The following GAB4 variants were observed in gnomAD, a reference collection of about 807,000 sequenced individuals.
GAB4 encodes GRB2-associated-binding protein 4.
In GAB4, 26 loss-of-function variants were observed where a neutral mutation model predicts 51.3. The ratio of observed to expected loss-of-function variants is 0.51; its 90% confidence interval spans 0.37 to 0.70. The LOEUF (loss-of-function observed/expected upper bound fraction) is 0.70. Among genes scored for constraint, GAB4 ranks in the 30% least tolerant of loss-of-function variants. The probability of loss-of-function intolerance (pLI) is 0.00; values close to 1 mark genes in which losing one functional copy is unlikely to be tolerated. For synonymous variants in GAB4, 329 were observed against 291.2 expected (o/e 1.13, Z -1.32); for missense variants, 759 against 734.6 (o/e 1.03, Z -0.38).
intron 5 of GAB4, 33 bp downstream of exon 5, chr22:16,968,265 C>T (rs774375191): frequency 6.0e-6 from 9 of 1,490,304 alleles, no homozygotes. Flanking sequence ...CTCCCTGAGC[C>T]AGTCTGGGGA....
At position 16,963,832 on chromosome 22, in the gene GAB4, G is replaced by A; in HGVS notation, c.1477-3C>T. 2.5e-6 allele frequency: 4 copies of A among 1,612,352 alleles called. No individual in the cohort carries two copies. The highest frequency in any genetic ancestry group is 3.4e-6 in the Non-Finnish European group (4 of 1,178,734). ...ACAGGAAATGCAGATGCCGGGTTCT[G>A]CTGTCACAAGGAGGAAAATCCTGCA... On this transcript the variant is annotated splice_polypyrimidine_tract_variant and splice_region_variant and intron_variant, in intron 8 of 9. Coordinates refer to ENST00000400588, the MANE Select transcript of GAB4 (RefSeq NM_001037814.1).
intron 3 of GAB4, among the ~76,000 whole-genome samples, chr22:16,981,381 C>T (rs1330553118): frequency 1.3e-5 from 2 of 151,810 alleles, no homozygotes; most frequent in African/African-American, 2.4e-5. Flanking sequence ...AATTGATAAT[C>T]CTTTAGCTAG....
intron 3 of GAB4, among the ~76,000 whole-genome samples, chr22:16,974,706 T>C (rs1404325564): frequency 6.6e-6 from 1 of 152,216 alleles, no homozygotes; most frequent in Non-Finnish European, 1.5e-5. Context: ...AAAACCTAAA[T>C]GATGGGTGGC....
chr22:16,976,581 T>C (rs558751042), intron 3 of GAB4, among the ~76,000 whole-genome samples: 17 of 152,104 alleles, frequency 1.1e-4, no homozygotes, highest in Non-Finnish European at 2.1e-4. Flanking sequence ...TGGAACCAAG[T>C]TGGAAAACAC....
At chr22:16,989,259 G>A (rs1228969095) in intron 2 of GAB4, among the ~76,000 whole-genome samples, 1 of 152,206 alleles carries the variant, frequency 6.6e-6, no homozygotes, top group Non-Finnish European at 1.5e-5. Context: ...TGATGTGATC[G>A]CTAAGTGGGG....
intron 6 of GAB4, 116 bp from the exon 7 acceptor site, chr22:16,965,384 G>T (rs1416461803): frequency 1.3e-5 from 10 of 756,032 alleles, no homozygotes; most frequent in Admixed American, 2.3e-5. Context: ...AGTCCACCCA[G>T]CTGTGTGCGG....
chr22:16,982,807 A>G (rs1275484514), intron 3 of GAB4, among the ~76,000 whole-genome samples: 1 of 152,212 alleles, frequency 6.6e-6, no homozygotes, highest in African/African-American at 2.4e-5. Flanking sequence ...TGTCTGACAT[A>G]ATGTAAAAGA....
intron 3 of GAB4, among the ~76,000 whole-genome samples, chr22:16,977,405 C>T (rs1339788398): frequency 6.7e-6 from 1 of 149,980 alleles, no homozygotes; most frequent in Non-Finnish European, 1.5e-5. Flanking sequence ...CACTTTAAAC[C>T]AAGAAAGATC....
Position 16,988,148 on chromosome 22 carries a change from G to A in GAB4, c.498C>T (p.Ser166=). The A allele has an allele frequency of 1.2e-6, 2 of 1,613,334 alleles. No individual in the cohort carries two copies. The highest frequency in any genetic ancestry group is 1.7e-6 in the Non-Finnish European group (2 of 1,179,548). Residue 166 remains serine, a synonymous_variant, in exon 3 of 10, where the codon TCC becomes TCT. Coordinates refer to ENST00000400588, the MANE Select transcript of GAB4 (RefSeq NM_001037814.1). ...AAGAGCAGAGGCCGTGACTGGCTGA[G>A]GAAATGTTTCCCAGGAAGCCTGTGA... ...EESTGFLGNI[S]SASHGLCSSP... is the part of the protein sequence containing the mutation.
chr22:16,969,919 T>C (rs1211757769), intron 4 of GAB4, 24 bp downstream of exon 4: 2 of 1,613,720 alleles, frequency 1.2e-6, no homozygotes, highest in Non-Finnish European at 1.7e-6. Context: ...AGGGTGCTTC[T>C]GGGTGCCTTG....
chr22:16,983,466 T>C (rs1031395912), intron 3 of GAB4, among the ~76,000 whole-genome samples: 2 of 152,122 alleles, frequency 1.3e-5, no homozygotes, highest in Admixed American at 1.3e-4. Flanking sequence ...AAAATTTATA[T>C]GAAACCACAC....
At chr22:16,974,927 T>C (rs2060764502) in intron 3 of GAB4, among the ~76,000 whole-genome samples, 1 of 152,160 alleles carries the variant, frequency 6.6e-6, no homozygotes, top group South Asian at 2.1e-4. Context: ...ACTCCCTCCC[T>C]TAGCCAAGGG....
chr22:17,004,754 CAT>C (rs1392062447), intron 1 of GAB4, among the ~76,000 whole-genome samples: 2 of 152,104 alleles, frequency 1.3e-5, no homozygotes, highest in Admixed American at 6.5e-5. Flanking sequence ...ACAAAAACCA[CAT>C]GATTATCTCA....
intron 3 of GAB4, among the ~76,000 whole-genome samples, chr22:16,981,601 C>A (rs2060828067): frequency 6.6e-6 from 1 of 151,974 alleles, no homozygotes; most frequent in Non-Finnish European, 1.5e-5. Flanking sequence ...CTGAACAGAC[C>A]AAGAAGTCAC....
At chr22:16,974,673 C>A (rs1438688506) in intron 3 of GAB4, among the ~76,000 whole-genome samples, 2 of 152,212 alleles carry the variant, frequency 1.3e-5, no homozygotes, top group South Asian at 2.1e-4. Flanking sequence ...TTGGTCACTG[C>A]ATTTAAATAA....
chr22:16,997,484 T>C (rs2060959225), intron 1 of GAB4, among the ~76,000 whole-genome samples: 1 of 152,188 alleles, frequency 6.6e-6, no homozygotes, highest in South Asian at 2.1e-4. Flanking sequence ...CACTTTTTGA[T>C]GGTGTTGATT....
chr22:17,000,581 A>T (rs1342052202), intron 1 of GAB4, among the ~76,000 whole-genome samples: 3 of 151,746 alleles, frequency 2.0e-5, no homozygotes, highest in Non-Finnish European at 4.4e-5. Context: ...ATGGGTCTTG[A>T]CTCTTTATCC....
rs752053087 is a variant in GAB4, at chr22:16,965,142, G to A, written c.1379+36C>T. 2.7e-5 allele frequency: 41 copies of A among 1,518,274 alleles called. No homozygotes were observed. In the Admixed American group the frequency reaches 3.5e-4, roughly 13 times the overall value. 94.1% of individuals were successfully genotyped at this position (1,518,274 alleles called of 1,614,324 possible). A position where few individuals can be genotyped will look rare whatever the true frequency, so the allele number is the denominator to read the frequency against. ...ATCCCACTCACTCCTCCACCGGCCC[G>A]GTCCCAAGCTCCTGTTTCCACTGAC... is the stretch of plus-strand genomic sequence containing the variant. On this transcript the variant is annotated intron_variant, in intron 7 of 9. Coordinates refer to ENST00000400588, the MANE Select transcript of GAB4 (RefSeq NM_001037814.1).
chr22:16,972,035 G>A (rs759076), intron 3 of GAB4, among the ~76,000 whole-genome samples: 121,270 of 152,224 alleles, frequency 0.8, 49,011 homozygotes, highest in African/African-American at 0.94. Flanking sequence ...CCTCGTGTTT[G>A]TATTTGTCTT....
Sources: allele counts gnomAD v4.1 joint callset (sites outside exome capture counted in the v4.1 genomes callset), GRCh38; gene constraint gnomAD v4.1.1; transcripts MANE v1.5; gene names NCBI Gene and HGNC (gene_info 2026-07-23, HGNC 2026-07-21).